LNPK: variants seen among roughly 807,000 people sequenced by gnomAD.
The protein encoded by LNPK is endoplasmic reticulum junction formation protein lunapark.
Under a neutral mutation model 55.2 loss-of-function variants are expected in LNPK, and 29 were observed. The ratio of observed to expected loss-of-function variants is 0.53; its 90% confidence interval spans 0.39 to 0.72. The LOEUF (loss-of-function observed/expected upper bound fraction) is 0.72. LNPK is among the 30% of genes least tolerant of loss of function. The probability of loss-of-function intolerance (pLI) is 0.00; values close to 1 mark genes in which losing one functional copy is unlikely to be tolerated. For synonymous variants in LNPK, 162 were observed against 168.2 expected (o/e 0.96, Z 0.29); for missense variants, 467 against 494.8 (o/e 0.94, Z 0.53).
chr2:175,988,218 T>C (rs576863437), intron 4 of LNPK, among the ~76,000 whole-genome samples: 107 of 152,154 alleles, frequency 7.0e-4, no homozygotes, highest in Middle Eastern at 3.4e-3. Context: ...AATCTAACGA[T>C]GAGCTGGGCG....
At chr2:175,958,129 C>T (rs186189747) in intron 8 of LNPK, among the ~76,000 whole-genome samples, 109 of 152,346 alleles carry the variant, frequency 7.2e-4, no homozygotes, top group Non-Finnish European at 1.8e-4. Flanking sequence ...CCTCTGGGGG[C>T]AGGGCATAGC....
chr2:175,977,446 T>C (rs575818305), intron 5 of LNPK, among the ~76,000 whole-genome samples: 1 of 149,048 alleles, frequency 6.7e-6, no homozygotes, highest in Admixed American at 6.6e-5. Context: ...AAACAAGTTA[T>C]CAAAAAAAAA....
intron 8 of LNPK, among the ~76,000 whole-genome samples, chr2:175,954,373 T>G (rs1685583624): frequency 6.6e-6 from 1 of 152,208 alleles, no homozygotes; most frequent in Non-Finnish European, 1.5e-5. Context: ...CCCATCTTCT[T>G]GTCCATTCTG....
chr2:175,934,947 C>T (rs144300230), intron 12 of LNPK, among the ~76,000 whole-genome samples: 63 of 151,882 alleles, frequency 4.1e-4, no homozygotes, highest in Non-Finnish European at 8.1e-4. Flanking sequence ...GAAAACTTTC[C>T]AAGATTCTGT....
rs773927374 is a variant in LNPK at position 175,992,260 on chromosome 2, C to T, written c.228G>A (p.Met76Ile). ...ATGGAAAAGCAAAAAATGGGAGTGT[C>T]ATGGCAAGTCTTGCTGTAAATTCAT... ...LPDEFTARLA[M>I]TLPFFAFPLI... Residue 76 changes from methionine to isoleucine, a missense_variant, in exon 4 of 13, where the codon ATG (methionine) becomes ATA (isoleucine). Coordinates refer to ENST00000272748, the MANE Select transcript of LNPK (RefSeq NM_030650.3). 3.2e-6 allele frequency: 5 copies of T among 1,560,122 alleles called. No homozygotes were observed. The highest frequency in any genetic ancestry group is 4.3e-6 in the Non-Finnish European group (5 of 1,162,950).
chr2:175,994,139 A>G, intron 2 of LNPK: 1 of 968,744 alleles, frequency 1.0e-6, no homozygotes, highest in Non-Finnish European at 1.2e-6. Context: ...TTTACCAATT[A>G]CATACTCAAC....
intron 4 of LNPK, among the ~76,000 whole-genome samples, chr2:175,989,946 G>A (rs1165192680): frequency 6.6e-6 from 1 of 152,148 alleles, no homozygotes; most frequent in East Asian, 1.9e-4. Context: ...GACCTTTCCA[G>A]TAAAAGCATT....
At chr2:175,974,972 AAAG>A (rs1482287551) in intron 5 of LNPK, among the ~76,000 whole-genome samples, 1 of 151,438 alleles carries the variant, frequency 6.6e-6, no homozygotes, top group Admixed American at 6.6e-5. Flanking sequence ...TGATTTCCTT[AAAG>A]AAGTGTTCCA....
chr2:175,999,346 T>C (rs1688076277), intron 1 of LNPK, among the ~76,000 whole-genome samples: 1 of 152,176 alleles, frequency 6.6e-6, no homozygotes, highest in Non-Finnish European at 1.5e-5. Flanking sequence ...CTTGGACAAA[T>C]CAGTTACTTA....
At chr2:176,001,073 C>T (rs1688142636) in intron 1 of LNPK, among the ~76,000 whole-genome samples, 1 of 152,116 alleles carries the variant, frequency 6.6e-6, no homozygotes, top group Admixed American at 6.5e-5. Flanking sequence ...AGTTTACTAA[C>T]ATCATTACTG....
At chr2:175,934,956 GTAT>G (rs1684468343) in intron 12 of LNPK, among the ~76,000 whole-genome samples, 1 of 151,992 alleles carries the variant, frequency 6.6e-6, no homozygotes, top group East Asian at 1.9e-4. Context: ...CCAAGATTCT[GTAT>G]GTTTTTCTAA....
At chr2:175,958,684 T>C (rs1685829584) in intron 8 of LNPK, among the ~76,000 whole-genome samples, 1 of 152,072 alleles carries the variant, frequency 6.6e-6, no homozygotes, top group African/African-American at 2.4e-5. Context: ...TTGCAGCTCC[T>C]TGCCAGAAAA....
At chr2:175,997,703 C>CTGTGTGTGTGTGTGTGTGTG (rs1491566543) in intron 1 of LNPK, among the ~76,000 whole-genome samples, 1 of 45,818 alleles carries the variant, frequency 2.2e-5, no homozygotes, top group East Asian at 1.2e-3. Context: ...AAAACAAATG[C>CTGTGTGTGTGTGTGTGTGTG]TCTGTGTGTG....
At chr2:175,982,837 C>T (rs763051929) in intron 4 of LNPK, among the ~76,000 whole-genome samples, 6 of 152,066 alleles carry the variant, frequency 3.9e-5, no homozygotes, top group Admixed American at 3.9e-4. Context: ...AAGATATTGA[C>T]GATATTAAGG....
rs771745762 is a variant in LNPK, at chr2:175,992,362, C to A, written c.126G>T (p.Trp42Cys). 2.6e-6 allele frequency: 4 copies of A among 1,525,594 alleles called. No homozygotes were observed. Among genetic ancestry groups the A allele is most frequent in the East Asian group, 5.2e-5 (2 of 38,292 alleles). 94.5% of individuals were successfully genotyped at this position (1,525,594 alleles called of 1,614,324 possible). A position where few individuals can be genotyped will look rare whatever the true frequency, so the allele number is the denominator to read the frequency against. ...AGGAATACAGAATTAATCTTCCAAC[C>A]CATAATTTTTGTAATCTCTGATTTT... ...REKNQRLQKLWVGRLILYSSV... is the reference protein window; with the variant it reads ...REKNQRLQKLCVGRLILYSSV... The change falls in exon 4 of 13, where the codon TGG becomes TGT. Residue 42 changes from tryptophan to cysteine, a missense_variant. Trp to Cys is a radical substitution (Grantham distance 215, BLOSUM62 -2). Coordinates refer to ENST00000272748, the MANE Select transcript of LNPK (RefSeq NM_030650.3).
At chr2:176,000,310 T>G (rs73978131) in intron 1 of LNPK, among the ~76,000 whole-genome samples, 1 of 152,214 alleles carries the variant, frequency 6.6e-6, no homozygotes, top group Non-Finnish European at 1.5e-5. Context: ...GCCTCAGTTA[T>G]TGCATTTGCA....
intron 4 of LNPK, among the ~76,000 whole-genome samples, chr2:175,989,001 T>C (rs576618865): frequency 6.6e-6 from 1 of 152,300 alleles, no homozygotes; most frequent in Admixed American, 6.5e-5. Flanking sequence ...GGTCCCGATC[T>C]CCTGATCTCG....
intron 9 of LNPK, among the ~76,000 whole-genome samples, chr2:175,944,805 T>C (rs1430021270): frequency 6.6e-6 from 1 of 152,192 alleles, no homozygotes; most frequent in African/African-American, 2.4e-5. Flanking sequence ...GGAAATTTGA[T>C]TTGTAAATAA....
chr2:175,930,080 T>C lies in LNPK; in HGVS notation c.1174A>G (p.Lys392Glu). Residue 392 changes from lysine to glutamate, a missense_variant, in exon 13 of 13, where the codon AAA (lysine) becomes GAA (glutamate). By Grantham distance (56) the Lys-to-Glu change is moderately conservative. Transcript: ENST00000272748. ...GCTTCCTCATTCTCAGTCTCTTGTTTCTCCTCTGGTTCCTCTGAGTCAGAT... is the reference window on the plus strand; with the variant it reads ...GCTTCCTCATTCTCAGTCTCTTGTTCCTCCTCTGGTTCCTCTGAGTCAGAT... ...KASDSEEPEE[K>E]QETENEEASV... 1 of 1,614,096 alleles carries C rather than the reference T, an allele frequency of 6.2e-7. No homozygotes were observed. Among genetic ancestry groups the C allele is most frequent in the Non-Finnish European group, 8.5e-7 (1 of 1,179,982 alleles).
Sources: allele counts gnomAD v4.1 joint callset (sites outside exome capture counted in the v4.1 genomes callset), GRCh38; gene constraint gnomAD v4.1.1; transcripts MANE v1.5; gene names NCBI Gene and HGNC (gene_info 2026-07-23, HGNC 2026-07-21).